The following DYRK1A variants were observed in gnomAD, a reference collection of about 807,000 sequenced individuals.
DYRK1A encodes the protein dual specificity tyrosine-phosphorylation-regulated kinase 1A.
In DYRK1A, 9 loss-of-function variants were observed where a neutral mutation model predicts 79.7. The ratio of observed to expected loss-of-function variants is 0.11; its 90% CI spans 0.07 to 0.20. DYRK1A has a LOEUF of 0.20. DYRK1A is among the 10% of genes least tolerant of loss of function. The pLI is 1.00. For missense variants in DYRK1A, 622 were observed against 956.0 expected (o/e 0.65, Z 4.61); for synonymous variants, 349 against 329.7 (o/e 1.06, Z -0.63).
chr21:37,406,213 T>G (rs2050142973), intron 1 of DYRK1A, among the ~76,000 whole-genome samples: 1 of 152,182 alleles, frequency 6.6e-6, no homozygotes, highest in African/African-American at 2.4e-5. Context: ...AAAGCAGAAG[T>G]ATTTTCTGTA....
intron 1 of DYRK1A, among the ~76,000 whole-genome samples, chr21:37,385,822 C>T (rs2049748958): frequency 1.3e-5 from 2 of 152,134 alleles, no homozygotes; most frequent in Admixed American, 1.3e-4. Context: ...AAGATTTTCC[C>T]TCTGTTTCTG....
At chr21:37,486,731 TTTA>T in intron 6 of DYRK1A, 117 bp downstream of exon 6, 5 of 1,083,368 alleles carry the variant, frequency 4.6e-6, no homozygotes, top group Non-Finnish European at 6.1e-6. Context: ...TAAAAATTTG[TTTA>T]TTTCTGTTGG....
intron 1 of DYRK1A, among the ~76,000 whole-genome samples, chr21:37,373,647 G>A (rs542531710): frequency 5.3e-5 from 8 of 152,318 alleles, no homozygotes; most frequent in Admixed American, 2.6e-4. Flanking sequence ...CACAGTCCAG[G>A]AATAGGATTT....
intron 5 of DYRK1A, 93 bp from the exon 6 acceptor site, chr21:37,486,374 G>C (rs1367075454): frequency 6.0e-6 from 6 of 999,122 alleles, no homozygotes; most frequent in Non-Finnish European, 8.3e-6. Flanking sequence ...ATATAATTGA[G>C]AATTAGGTAA....
At chr21:37,374,772 C>G (rs1009611478) in intron 1 of DYRK1A, among the ~76,000 whole-genome samples, 1 of 152,134 alleles carries the variant, frequency 6.6e-6, no homozygotes, top group Non-Finnish European at 1.5e-5. Flanking sequence ...CCAGGATGGT[C>G]TCAATCTCCT....
At position 37,367,299 on chromosome 21, in the gene DYRK1A, C is replaced by T. The variant is rs1194351818; in HGVS notation, c.-406C>T. 4.0e-5 allele frequency: 6 copies of T among 150,344 alleles called. No individual in the cohort carries two copies. The highest frequency in any genetic ancestry group is 1.2e-4 in the African/African-American group (5 of 41,246). 9.3% of individuals were successfully genotyped at this position (150,344 alleles called of 1,614,324 possible). ...CAAAATCCTCCTCGGGAAGAAGCCG[C>T]CGGCAGCAGCCGCCGCTCGGCGCCC... On this transcript the variant is annotated 5_prime_UTR_variant, in exon 1 of 12. Transcript: ENST00000647188.
intron 8 of DYRK1A, among the ~76,000 whole-genome samples, chr21:37,495,162 G>T (rs1275482184): frequency 2.9e-5 from 2 of 70,000 alleles, no homozygotes; most frequent in African/African-American, 9.8e-5. Flanking sequence ...TTGTGTGTGT[G>T]TGTGTGTGTG....
intron 1 of DYRK1A, among the ~76,000 whole-genome samples, chr21:37,375,718 G>T (rs888676030): frequency 2.0e-5 from 3 of 151,628 alleles, no homozygotes; most frequent in Admixed American, 2.0e-4. Context: ...GTAGAGACGG[G>T]ATTTCACTAT....
chr21:37,395,182 C>T (rs961601266), intron 1 of DYRK1A, among the ~76,000 whole-genome samples: 3 of 152,188 alleles, frequency 2.0e-5, no homozygotes, highest in Non-Finnish European at 4.4e-5. Context: ...GCTCATGGGC[C>T]AGATACATTG....
At chr21:37,410,980 C>T (rs1197680705) in intron 1 of DYRK1A, among the ~76,000 whole-genome samples, 19 of 135,194 alleles carry the variant, frequency 1.4e-4, no homozygotes, top group African/African-American at 4.7e-4. Context: ...GCCTGAGAGG[C>T]GGAAGTTTTA....
chr21:37,450,794 T>C (rs903601563), intron 2 of DYRK1A, among the ~76,000 whole-genome samples: 1 of 152,074 alleles, frequency 6.6e-6, no homozygotes, highest in African/African-American at 2.4e-5. Context: ...AATACAAAAA[T>C]AAATAAGACC....
chr21:37,483,454 T>A (rs187932609), intron 5 of DYRK1A, among the ~76,000 whole-genome samples: 1 of 152,268 alleles, frequency 6.6e-6, no homozygotes, highest in Non-Finnish European at 1.5e-5. Context: ...TGTATATGTC[T>A]TCTTCCCATG....
At chr21:37,392,176 C>T (rs759648455) in intron 1 of DYRK1A, among the ~76,000 whole-genome samples, 1 of 152,114 alleles carries the variant, frequency 6.6e-6, no homozygotes, top group Non-Finnish European at 1.5e-5. Flanking sequence ...ACAACATACC[C>T]CTAATGGAAG....
intron 3 of DYRK1A, among the ~76,000 whole-genome samples, chr21:37,477,361 C>T (rs532929304): frequency 6.6e-6 from 1 of 152,142 alleles, no homozygotes; most frequent in Non-Finnish European, 1.5e-5. Context: ...TTGCAAGAAC[C>T]CCCATTGGGA....
Position 37,520,957 on chromosome 21 carries a change from G to T in DYRK1A, c.*8426G>T, listed in dbSNP as rs1329456669. ...ATGGGATTCTTACCTTCTGACTGGA[G>T]TGTCACCCTCGCCCAGGAATGTGGG... On this transcript the variant is annotated 3_prime_UTR_variant, in exon 12 of 12. Coordinates refer to ENST00000647188, the MANE Select transcript of DYRK1A (RefSeq NM_001347721.2). The T allele has an allele frequency of 1.3e-5, 2 of 152,296 alleles. No homozygotes were observed. Among genetic ancestry groups the T allele is most frequent in the Non-Finnish European group, 2.9e-5 (2 of 68,100 alleles). 9.4% of individuals were successfully genotyped at this position (152,296 alleles called of 1,614,324 possible).
intron 9 of DYRK1A, chr21:37,501,646 G>A (rs534949607): frequency 4.6e-5 from 7 of 152,292 alleles, no homozygotes; most frequent in East Asian, 3.9e-4. Flanking sequence ...CTTTAAAATC[G>A]AGACTTGTTT....
At chr21:37,417,539 T>TCTTTTTCTTTTTTTTTTC in intron 1 of DYRK1A, among the ~76,000 whole-genome samples, 1 of 109,518 alleles carries the variant, frequency 9.1e-6, no homozygotes, top group South Asian at 2.6e-4. Flanking sequence ...CTTTTTTTTT[T>TCTTTTTCTTTTTTTTTTC]TTTTTTTTTT....
At chr21:37,470,954 T>C (rs1254806174) in intron 2 of DYRK1A, among the ~76,000 whole-genome samples, 1 of 152,250 alleles carries the variant, frequency 6.6e-6, no homozygotes, top group Non-Finnish European at 1.5e-5. Flanking sequence ...ACTTATTTAA[T>C]AAACATTATT....
rs1601316032 is a variant in DYRK1A at position 37,505,347 on chromosome 21, G to A, written c.1277G>A (p.Gly426Asp). The change falls in exon 10 of 12, where the codon GGT becomes GAT. Residue 426 changes from glycine to aspartate, a missense_variant. This residue lies in a region of DYRK1A where 80 missense variants were observed against 116.5 expected (regional missense o/e 0.69). Transcript: ENST00000647188. ...NILGVETGGP[G>D]GRRAGESGHT... ...CTTGGAGTGGAAACAGGAGGACCTG[G>A]TGGGCGACGTGCTGGGGAGTCAGGT... 6.2e-7 allele frequency: 1 copy of A among 1,614,178 alleles called. No individual in the cohort carries two copies. Among genetic ancestry groups the A allele is most frequent in the Non-Finnish European group, 8.5e-7 (1 of 1,180,026 alleles).
Sources: allele counts gnomAD v4.1 joint callset (sites outside exome capture counted in the v4.1 genomes callset), GRCh38; gene constraint gnomAD v4.1.1; regional missense constraint gnomAD v4.1.1; transcripts MANE v1.5; gene names NCBI Gene and HGNC (gene_info 2026-07-23, HGNC 2026-07-21).